BDH1: variants seen among roughly 807,000 people sequenced by gnomAD.
BDH1 encodes the protein D-beta-hydroxybutyrate dehydrogenase, mitochondrial.
In BDH1, 30 loss-of-function variants were observed where a neutral mutation model predicts 33.1. The ratio of observed to expected loss-of-function variants is 0.91; its 90% CI spans 0.68 to 1.23. The LOEUF (loss-of-function observed/expected upper bound fraction) is 1.23, where lower values mean the gene tolerates loss of function less well. Ranked by LOEUF, BDH1 falls within the 50% of genes most tolerant of loss-of-function variation. BDH1 has a pLI of 0.00. For synonymous variants in BDH1, 190 were observed against 183.6 expected, an observed-to-expected ratio of 1.03 and a Z score of -0.28; for missense variants, 443 against 464.4, an observed-to-expected ratio of 0.95 and a Z score of 0.42.
intron 3 of BDH1, among the ~76,000 whole-genome samples, chr3:197,542,110 G>A (rs1715682986): frequency 6.6e-6 from 1 of 152,236 alleles, no homozygotes; most frequent in Non-Finnish European, 1.5e-5. Flanking sequence ...CCCGATGCAG[G>A]TGCGTTGCTT....
At chr3:197,537,568 T>C (rs1488336886) in intron 3 of BDH1, among the ~76,000 whole-genome samples, 1 of 152,224 alleles carries the variant, frequency 6.6e-6, no homozygotes, top group Non-Finnish European at 1.5e-5. Context: ...GGATAAGCGG[T>C]GAGAACTAAT....
At chr3:197,534,451 A>G (rs1350576102) in intron 3 of BDH1, among the ~76,000 whole-genome samples, 3 of 152,224 alleles carry the variant, frequency 2.0e-5, no homozygotes, top group African/African-American at 7.2e-5. Context: ...ACACAGGGGT[A>G]TGACAATTTG....
chr3:197,513,365 C>G (rs1712300745), intron 7 of BDH1, among the ~76,000 whole-genome samples: 1 of 150,106 alleles, frequency 6.7e-6, no homozygotes, highest in African/African-American at 2.5e-5. Flanking sequence ...GGAGGGCACT[C>G]AGCCCATCCA....
At chr3:197,537,682 T>C (rs903415755) in intron 3 of BDH1, among the ~76,000 whole-genome samples, 1 of 152,144 alleles carries the variant, frequency 6.6e-6, no homozygotes, top group African/African-American at 2.4e-5. Flanking sequence ...TTCAGGAAAA[T>C]CCCCCTCTAT....
At chr3:197,565,156 G>A (rs1285566793) in intron 1 of BDH1, among the ~76,000 whole-genome samples, 5 of 152,088 alleles carry the variant, frequency 3.3e-5, no homozygotes, top group African/African-American at 1.2e-4. Flanking sequence ...TCCCAACCTC[G>A]GGTGACCCAC....
intron 2 of BDH1, among the ~76,000 whole-genome samples, chr3:197,548,666 C>T (rs562657034): frequency 4.0e-5 from 6 of 151,602 alleles, no homozygotes; most frequent in Admixed American, 1.3e-4. Context: ...GCCTGGCTGA[C>T]ATGGTGAAAC....
intron 1 of BDH1, among the ~76,000 whole-genome samples, chr3:197,565,452 T>C (rs545217547): frequency 6.6e-6 from 1 of 152,288 alleles, no homozygotes; most frequent in South Asian, 2.1e-4. Context: ...TCCTTTAAGA[T>C]ATTAGGTTTC....
chr3:197,550,420 C>T (rs1263012207), intron 2 of BDH1, among the ~76,000 whole-genome samples: 1 of 152,210 alleles, frequency 6.6e-6, no homozygotes, highest in African/African-American at 2.4e-5. Context: ...GACTACCTTT[C>T]GGGGGTCTGT....
intron 3 of BDH1, among the ~76,000 whole-genome samples, chr3:197,536,384 T>C (rs1193293451): frequency 6.6e-6 from 1 of 152,240 alleles, no homozygotes; most frequent in Non-Finnish European, 1.5e-5. Context: ...ATAAAAAATA[T>C]GACTGGGATT....
At chr3:197,531,728 G>A (rs545848906) in intron 5 of BDH1, among the ~76,000 whole-genome samples, 1 of 152,264 alleles carries the variant, frequency 6.6e-6, no homozygotes, top group African/African-American at 2.4e-5. Context: ...AGAATTCTGA[G>A]TGATGGACGT....
At chr3:197,551,980 G>A (rs1056805253) in intron 2 of BDH1, among the ~76,000 whole-genome samples, 4 of 152,138 alleles carry the variant, frequency 2.6e-5, no homozygotes, top group Non-Finnish European at 5.9e-5. Flanking sequence ...GCACCATGAC[G>A]AGCACTCATA....
Position 197,516,201 on chromosome 3 carries a change from A to G in BDH1, c.410-1785T>C, listed in dbSNP as rs2108707217. Among the ~76,000 whole-genome samples, 1 of 152,192 alleles carries G rather than the reference A, an allele frequency of 6.6e-6. No homozygotes were observed. Among genetic ancestry groups the G allele is most frequent in the East Asian group, 1.9e-4 (1 of 5,160 alleles). ...AAGTGGCCCCCAATGTCCTGGCCTA[A>G]TCCTGCTCCTCTCAAAGTACACTTA... is the stretch of plus-strand genomic sequence containing the variant. On this transcript the variant is annotated intron_variant, in intron 6 of 7. Coordinates refer to ENST00000392379, the MANE Select transcript of BDH1 (RefSeq NM_203314.3). This position sits in a 1 kb window ranked among gnomAD's most constrained non-coding sequence, Gnocchi z 4.2.
chr3:197,521,196 C>G lies in BDH1; in HGVS notation c.409+1444G>C, dbSNP rs906314725. On this transcript the variant is annotated intron_variant, in intron 6 of 7. Coordinates refer to ENST00000392379, the MANE Select transcript of BDH1 (RefSeq NM_203314.3). The surrounding 1 kb of genome is among the most constrained non-coding windows in gnomAD (Gnocchi z 4.9). Reference sequence around the variant, plus strand: ...CCTGAATGACGCACACCCTTTCTGCCTGGGCTGTCAGGGAGCTCAAAGGTA... The same window carrying G: ...CCTGAATGACGCACACCCTTTCTGCGTGGGCTGTCAGGGAGCTCAAAGGTA... Among the ~76,000 whole-genome samples the G allele has an allele frequency of 1.3e-5, 2 of 152,178 alleles. No homozygotes were observed. Among genetic ancestry groups the G allele is most frequent in the African/African-American group, 4.8e-5 (2 of 41,436 alleles).
rs1714297006 is a variant in BDH1 at position 197,528,299 on chromosome 3, AGT to A, written c.267+4111_267+4112del. On this transcript the variant is annotated intron_variant, in intron 5 of 7. Coordinates refer to ENST00000392379, the MANE Select transcript of BDH1 (RefSeq NM_203314.3). The surrounding 1 kb of genome is among the most constrained non-coding windows in gnomAD (Gnocchi z 5.1). The stretch of plus-strand genomic sequence containing the variant: ...TGGTGTAGGTCTGTATGAGTGAGTG[AGT>A]GAGTGTGTGTGTGTGTGTGTGTGTG... 2 of 144,924 alleles carry A rather than the reference AGT, an allele frequency of 1.4e-5. No homozygotes were observed. Among genetic ancestry groups the A allele is most frequent in the Middle Eastern group, 3.2e-3 (1 of 308 alleles). The allele number at this position is 144,924 out of a possible 1,614,324, so 9.0% of individuals were successfully genotyped here.
chr3:197,540,226 G>A (rs987274225), intron 3 of BDH1, among the ~76,000 whole-genome samples: 1 of 151,838 alleles, frequency 6.6e-6, no homozygotes, highest in Non-Finnish European at 1.5e-5. Flanking sequence ...GCTAAATTTT[G>A]TGTTTTTGGT....
At chr3:197,568,410 C>T (rs1717503634) in intron 1 of BDH1, among the ~76,000 whole-genome samples, 1 of 151,676 alleles carries the variant, frequency 6.6e-6, no homozygotes, top group Middle Eastern at 3.2e-3. Flanking sequence ...TATGCTGCTT[C>T]TAAAACGAAG....
intron 4 of BDH1, among the ~76,000 whole-genome samples, chr3:197,532,841 A>C (rs1399503384): frequency 6.6e-6 from 1 of 152,248 alleles, no homozygotes; most frequent in Non-Finnish European, 1.5e-5. Context: ...ATAGAGCTGG[A>C]ACTGAAACCA....
upstream of BDH1, among the ~76,000 whole-genome samples, chr3:197,559,719 C>T (rs1717198785): frequency 6.6e-6 from 1 of 152,240 alleles, no homozygotes; most frequent in African/African-American, 2.4e-5. Flanking sequence ...TAGGGCATCA[C>T]GAGTGAACTC....
At chr3:197,564,638 A>G (rs922669219) in intron 1 of BDH1, among the ~76,000 whole-genome samples, 1 of 152,200 alleles carries the variant, frequency 6.6e-6, no homozygotes, top group Non-Finnish European at 1.5e-5. Context: ...TTCTCAGGAA[A>G]GGGGCATGTG....
Sources: gnomAD v4.1 joint callset for allele counts (sites outside exome capture counted in the v4.1 genomes callset) on GRCh38, gnomAD v4.1.1 for gene constraint, Gnocchi (gnomAD v3.1) non-coding constraint, MANE v1.5 for transcripts, NCBI Gene and HGNC (gene_info 2026-07-23, HGNC 2026-07-21) for gene names.